The following NPEPL1 variants were observed in gnomAD, a reference collection of about 807,000 sequenced individuals.
NPEPL1 encodes probable aminopeptidase NPEPL1.
A neutral mutation model predicts 52.4 loss-of-function variants in NPEPL1; 45 were observed. The ratio of observed to expected loss-of-function variants is 0.86; its 90% CI spans 0.68 to 1.10. NPEPL1 has a LOEUF of 1.10. Among genes scored for constraint, NPEPL1 ranks in the 50% least tolerant of loss-of-function variants. The probability of loss-of-function intolerance (pLI) is 0.00; values close to 1 mark genes in which losing one functional copy is unlikely to be tolerated. For synonymous variants in NPEPL1, 360 were observed against 314.7 expected (o/e 1.14, Z -1.52); for missense variants, 696 against 710.9 (o/e 0.98, Z 0.24).
At chr20:58,691,892 C>T, upstream of NPEPL1, 1 of 1,036,354 alleles carries the variant, frequency 9.6e-7, no homozygotes, top group Non-Finnish European at 1.5e-6. Context: ...TCGTCATTCC[C>T]TGACCCTTGC....
chr20:58,695,020 T>TTGCGTGTGTATGAGTGCTG (rs1568847494), intron 3 of NPEPL1, among the ~76,000 whole-genome samples: 2 of 3,840 alleles, frequency 5.2e-4, no homozygotes, highest in Non-Finnish European at 5.2e-4. Flanking sequence ...GTGATGTGTG[T>TTGCGTGTGTATGAGTGCTG]GTGTGTGTGG....
Position 58,713,146 on chromosome 20 carries a change from CAGA to C in NPEPL1, c.1002-266_1002-264del, listed in dbSNP as rs77687004. Reference sequence around the variant, plus strand: ...CAGCCGGTTCATGCCACCCACTTTACAGAAGAAGAAACTGAGGCATGGGAGAGC... The same window carrying C: ...CAGCCGGTTCATGCCACCCACTTTACAGAAGAAACTGAGGCATGGGAGAGC... On this transcript the variant is annotated intron_variant, in intron 8 of 11. Transcript: ENST00000356091. The surrounding 1 kb of genome is among the most constrained non-coding windows in gnomAD (Gnocchi z 4.6). The C allele has an allele frequency of 3.5e-3, 1,527 of 441,948 alleles. 46 individuals are homozygous for C. The East Asian group carries it at 0.055, about 16-fold the overall frequency. 27.4% of individuals were successfully genotyped at this position (441,948 alleles called of 1,614,324 possible).
In NPEPL1 at chr20:58,712,653, C is replaced by A. The variant is rs754595463; in HGVS notation, c.1001+74C>A. ...CCCTTCCCGGCCTGCAATGCCAGCT[C>A]ACTCCAGGCATATCGGGAGGGCACT... On this transcript the variant is annotated intron_variant, in intron 8 of 11. Coordinates refer to ENST00000356091, the MANE Select transcript of NPEPL1 (RefSeq NM_024663.4). The A allele has an allele frequency of 5.7e-6, 6 of 1,053,692 alleles. No homozygotes were observed. In the African/African-American group the frequency reaches 9.4e-5, roughly 16 times the overall value. The allele number at this position is 1,053,692 out of a possible 1,614,324, so 65.3% of individuals were successfully genotyped here. A position where few individuals can be genotyped will look rare whatever the true frequency, so the allele number is the denominator to read the frequency against.
At position 58,699,200 on chromosome 20, in the gene NPEPL1, A is replaced by G. The variant is rs758946362; in HGVS notation, c.601A>G (p.Ile201Val). The change falls in exon 5 of 12, where the codon ATT (isoleucine) becomes GTT (valine). Residue 201 changes from isoleucine to valine, a missense_variant. By Grantham distance (29) the Ile-to-Val change is conservative. Coordinates refer to ENST00000356091, the MANE Select transcript of NPEPL1 (RefSeq NM_024663.4). ...TTTTTTCCATGAACATGTCCAGGAG[A>G]TTAACAAAGTTGGAAAGGAGCTGGG... ...EMNTDTFLEE[I>V]NKVGKELGII... The G allele has an allele frequency of 1.9e-6, 3 of 1,594,820 alleles. 1 individual carries two copies. The South Asian group carries it at 3.4e-5, about 18-fold the overall frequency.
chr20:58,698,592 T>C, intron 3 of NPEPL1, 92 bp from the exon 4 acceptor site: 1 of 1,017,710 alleles, frequency 9.8e-7, no homozygotes, highest in Non-Finnish European at 1.5e-6. Context: ...GTGGGTGATG[T>C]TTGCCTCTGC....
Position 58,698,705 on chromosome 20 carries a change from G to GGC in NPEPL1, c.531_532dup (p.Val178AlafsTer4). The GGC allele has an allele frequency of 6.2e-7, 1 of 1,612,820 alleles. No individual in the cohort carries two copies. Among genetic ancestry groups the GGC allele is most frequent in the Non-Finnish European group, 8.5e-7 (1 of 1,179,826 alleles). On this transcript the variant is annotated frameshift_variant, in exon 4 of 12. Transcript: ENST00000356091. LOFTEE classifies it high-confidence loss of function. Reference sequence around the variant, plus strand: ...CTAGTGCTTAGCGAATGCCACAGACGGCGTGCGGCTAGCAGCCCGCATCGT... The same window carrying GGC: ...CTAGTGCTTAGCGAATGCCACAGACGGCGCGTGCGGCTAGCAGCCCGCATCGT...
chr20:58,708,588 A>C (rs1344571722), intron 7 of NPEPL1, among the ~76,000 whole-genome samples: 2 of 151,952 alleles, frequency 1.3e-5, no homozygotes, highest in African/African-American at 4.9e-5. Context: ...GAGGAGGAGC[A>C]TGTGTCCTCT....
In NPEPL1 at chr20:58,694,627, C is replaced by T. The variant is rs1000547111; in HGVS notation, c.507+35C>T. On this transcript the variant is annotated intron_variant, in intron 3 of 11. Transcript: ENST00000356091. ...TGGAAGGGCAGACACTGCCCCTGGG[C>T]CCGGGCAAGATCGGGCAGGTGGGAG... 5 of 1,575,792 alleles carry T rather than the reference C, an allele frequency of 3.2e-6. No homozygotes were observed. The African/African-American group carries it at 5.4e-5, about 17-fold the overall frequency.
chr20:58,689,234 C>A (rs2123060830), upstream of NPEPL1: 1 of 152,208 alleles, frequency 6.6e-6, no homozygotes, highest in East Asian at 1.9e-4. Flanking sequence ...TTTATGCGCA[C>A]TTTATATCTG....
chr20:58,713,355 A>C lies in NPEPL1; in HGVS notation c.1002-65A>C. On this transcript the variant is annotated intron_variant, in intron 8 of 11. Coordinates refer to ENST00000356091, the MANE Select transcript of NPEPL1 (RefSeq NM_024663.4). The surrounding 1 kb of genome is among the most constrained non-coding windows in gnomAD (Gnocchi z 4.6). ...CTCCAAATGGGGTCTCCCCAGTTTCAAAGGGGCTCATGCCAGTGTCCCAGG... is the reference window on the plus strand; with the variant it reads ...CTCCAAATGGGGTCTCCCCAGTTTCCAAGGGGCTCATGCCAGTGTCCCAGG... 6.6e-7 allele frequency: 1 copy of C among 1,503,992 alleles called. No homozygotes were observed. Among genetic ancestry groups the C allele is most frequent in the Non-Finnish European group, 8.9e-7 (1 of 1,118,068 alleles). 93.2% of individuals were successfully genotyped at this position (1,503,992 alleles called of 1,614,324 possible). A position where few individuals can be genotyped will look rare whatever the true frequency, so the allele number is the denominator to read the frequency against.
intron 3 of NPEPL1, among the ~76,000 whole-genome samples, chr20:58,695,135 GGT>G (rs1370483501): frequency 3.9e-4 from 56 of 143,508 alleles, no homozygotes; most frequent in Non-Finnish European, 4.8e-4. Context: ...GTGCATGAGT[GGT>G]GTGTGTGTGT....
At chr20:58,698,615 CT>C in intron 3 of NPEPL1, 68 bp from the exon 4 acceptor site, 2 of 1,296,518 alleles carry the variant, frequency 1.5e-6, no homozygotes, top group South Asian at 2.4e-5. Flanking sequence ...CCTTTTGTTC[CT>C]GGGGGATGGA....
chr20:58,705,247 TGTCA>T (rs2084714837), intron 6 of NPEPL1, among the ~76,000 whole-genome samples: 1 of 152,184 alleles, frequency 6.6e-6, no homozygotes, highest in South Asian at 2.1e-4. Flanking sequence ...GCCATTTGTC[TGTCA>T]GTTTTTCTTT....
upstream of NPEPL1, among the ~76,000 whole-genome samples, chr20:58,690,108 T>C (rs185101712): frequency 8.5e-5 from 13 of 152,332 alleles, no homozygotes; most frequent in Admixed American, 7.8e-4. Flanking sequence ...TAGAGCCATC[T>C]TACAAGATAG....
Position 58,715,327 on chromosome 20 carries a change from G to T in NPEPL1, c.*1G>T. On this transcript the variant is annotated 3_prime_UTR_variant, in exon 12 of 12. Transcript: ENST00000356091. ...CTCCAAGAGACGCAGGCTTGTGTGA[G>T]CCTCCTGCCTCGGCCCTGACAAACG... 1 of 1,600,382 alleles carries T rather than the reference G, an allele frequency of 6.2e-7. No individual in the cohort carries two copies. Among genetic ancestry groups the T allele is most frequent in the Non-Finnish European group, 8.5e-7 (1 of 1,173,014 alleles).
intron 5 of NPEPL1, 38 bp downstream of exon 5, chr20:58,699,316 G>T: frequency 6.5e-7 from 1 of 1,541,328 alleles, no homozygotes. Flanking sequence ...CTTGGCCTCG[G>T]GCAGTGGCCA....
At chr20:58,704,376 A>AC (rs1220326355) in intron 6 of NPEPL1, 2 of 985,092 alleles carry the variant, frequency 2.0e-6, no homozygotes, top group African/African-American at 3.5e-5. Context: ...ATTACTGGAG[A>AC]CCCCTTTACG....
Position 58,703,540 on chromosome 20 carries a change from TCTC to T in NPEPL1, c.822+2385_822+2387del, listed in dbSNP as rs1227959962. 5 of 985,096 alleles carry T rather than the reference TCTC, an allele frequency of 5.1e-6. No homozygotes were observed. In the African/African-American group the frequency reaches 8.8e-5, roughly 17 times the overall value. 61.0% of individuals were successfully genotyped at this position (985,096 alleles called of 1,614,324 possible). A position where few individuals can be genotyped will look rare whatever the true frequency, so the allele number is the denominator to read the frequency against. ...TGGCTGGTAGAGTCGTGGACCCTCT[TCTC>T]CTTGGATCAGATGCTTGTTTTTGAT... On this transcript the variant is annotated intron_variant, in intron 6 of 11. Coordinates refer to ENST00000356091, the MANE Select transcript of NPEPL1 (RefSeq NM_024663.4).
At chr20:58,694,947 TTGCTG>T (rs1340628451) in intron 3 of NPEPL1, among the ~76,000 whole-genome samples, 1 of 99,614 alleles carries the variant, frequency 1.0e-5, no homozygotes, top group Non-Finnish European at 2.2e-5. Flanking sequence ...CACATGTGTG[TTGCTG>T]TGCGTGTATG....
Sources: gnomAD v4.1 joint callset for allele counts (sites outside exome capture counted in the v4.1 genomes callset) on GRCh38, gnomAD v4.1.1 for gene constraint, Gnocchi (gnomAD v3.1) non-coding constraint, MANE v1.5 for transcripts, NCBI Gene and HGNC (gene_info 2026-07-23, HGNC 2026-07-21) for gene names.